The following SCUBE1 variants were observed in gnomAD, a reference collection of about 807,000 sequenced individuals.
SCUBE1 encodes signal peptide, CUB domain and EGF like domain containing 1, also known as signal peptide, CUB and EGF-like domain-containing protein 1.
SCUBE1 carries 59 observed loss-of-function variants against 124.4 expected under a neutral mutation model. The ratio of observed to expected loss-of-function variants is 0.47; its 90% confidence interval spans 0.38 to 0.59. The LOEUF (loss-of-function observed/expected upper bound fraction) is 0.59, where lower values mean the gene tolerates loss of function less well. SCUBE1 is among the 20% of genes least tolerant of loss of function. SCUBE1 has a pLI of 0.00. For missense variants in SCUBE1, 1,150 were observed against 1,371.2 expected, an observed-to-expected ratio of 0.84 and a Z score of 2.55; for synonymous variants, 545 against 550.9, an observed-to-expected ratio of 0.99 and a Z score of 0.15.
intron 21 of SCUBE1, among the ~76,000 whole-genome samples, chr22:43,205,336 G>A (rs749803132): frequency 1.3e-5 from 2 of 152,034 alleles, no homozygotes; most frequent in South Asian, 2.1e-4. Context: ...CCAGTGTCTC[G>A]TCTCTCTAGT....
chr22:43,268,051 G>T (rs987450601), intron 4 of SCUBE1, among the ~76,000 whole-genome samples: 1 of 152,186 alleles, frequency 6.6e-6, no homozygotes, highest in Non-Finnish European at 1.5e-5. Flanking sequence ...GACCCCCCGG[G>T]CCTCCTCCAG....
In SCUBE1 at chr22:43,290,821, A is replaced by G. The variant is rs62232126; in HGVS notation, c.484+225T>C. On this transcript the variant is annotated intron_variant, in intron 4 of 21. Transcript: ENST00000360835. Reference sequence around the variant, plus strand: ...ACATGTGCTACTTGCGGCCCCACATATAAACACGAGAAACACCCGCAGCCC... The same window carrying G: ...ACATGTGCTACTTGCGGCCCCACATGTAAACACGAGAAACACCCGCAGCCC... Among the ~76,000 whole-genome samples the G allele has an allele frequency of 7.3e-3, 1,105 of 152,366 alleles. 7 individuals are homozygous for G. The highest frequency in any genetic ancestry group is 9.3e-3 in the Non-Finnish European group (635 of 68,028).
chr22:43,286,163 T>G (rs1925132693), intron 4 of SCUBE1, among the ~76,000 whole-genome samples: 1 of 152,252 alleles, frequency 6.6e-6, no homozygotes, highest in Non-Finnish European at 1.5e-5. Flanking sequence ...GAGCCCGTGT[T>G]TATTGAAACT....
intron 4 of SCUBE1, among the ~76,000 whole-genome samples, chr22:43,281,558 C>CCTCTTTGGCCACCCTCCTGTCACCT (rs1569011128): frequency 2.3e-5 from 3 of 127,854 alleles, no homozygotes; most frequent in African/African-American, 9.0e-5. Flanking sequence ...CTGTCACCTC[C>CCTCTTTGGCCACCCTCCTGTCACCT]CCCTCAGCCA....
rs151115521 is a variant in SCUBE1 at position 43,267,481 on chromosome 22, G to A, written c.485-4636C>T. ...GCGTGTGCTAGAAACACAGCGCTTC[G>A]GATGCCTGATGTGGGAAATTCGCAG... On this transcript the variant is annotated intron_variant, in intron 4 of 21. Coordinates refer to ENST00000360835, the MANE Select transcript of SCUBE1 (RefSeq NM_173050.5). Among the ~76,000 whole-genome samples, 916 of 152,314 alleles carry A rather than the reference G, an allele frequency of 6.0e-3. 12 individuals carry two copies. The highest frequency in any genetic ancestry group is 0.021 in the African/African-American group (887 of 41,556).
intron 9 of SCUBE1, 84 bp from the exon 10 acceptor site, chr22:43,227,580 C>A: frequency 1.3e-6 from 2 of 1,541,864 alleles, no homozygotes; most frequent in Admixed American, 3.5e-5. Flanking sequence ...GGCAAGAGGG[C>A]AAGAATCTCC....
At chr22:43,254,680 G>A (rs1923589589) in intron 6 of SCUBE1, among the ~76,000 whole-genome samples, 1 of 152,210 alleles carries the variant, frequency 6.6e-6, no homozygotes. Context: ...AGCTATCTGA[G>A]AGCCATGAAG....
chr22:43,247,903 G>A (rs750368632), intron 6 of SCUBE1, among the ~76,000 whole-genome samples: 8 of 152,328 alleles, frequency 5.3e-5, no homozygotes, highest in East Asian at 1.9e-4. Context: ...CTGCAGGGCC[G>A]GGGGGTCAGG....
intron 6 of SCUBE1, among the ~76,000 whole-genome samples, chr22:43,249,133 C>A (rs895061482): frequency 5.3e-5 from 8 of 152,024 alleles, no homozygotes; most frequent in South Asian, 2.1e-4. Context: ...GAGGATGTGA[C>A]CCCTGGAGGC....
chr22:43,334,453 T>C (rs112461626), intron 2 of SCUBE1, among the ~76,000 whole-genome samples: 3 of 152,176 alleles, frequency 2.0e-5, no homozygotes, highest in African/African-American at 7.2e-5. Flanking sequence ...GACAAAGCTT[T>C]AGTTCTTTCA....
chr22:43,300,561 AG>A (rs2146762553), intron 3 of SCUBE1, among the ~76,000 whole-genome samples: 1 of 152,234 alleles, frequency 6.6e-6, no homozygotes, highest in African/African-American at 2.4e-5. Flanking sequence ...ATGTCTATTC[AG>A]GTCCTTTGCC....
chr22:43,315,084 T>C (rs1021565642), intron 3 of SCUBE1, among the ~76,000 whole-genome samples: 2 of 152,058 alleles, frequency 1.3e-5, no homozygotes, highest in Non-Finnish European at 2.9e-5. Context: ...GAACAAATGA[T>C]ACCACCATGG....
chr22:43,325,864 G>C (rs575753076), intron 2 of SCUBE1, among the ~76,000 whole-genome samples: 1 of 151,848 alleles, frequency 6.6e-6, no homozygotes, highest in African/African-American at 2.4e-5. Context: ...GGCAGCGTGC[G>C]CACACACAAC....
At chr22:43,207,983 C>G in intron 20 of SCUBE1, 89 bp downstream of exon 20, 4 of 1,464,558 alleles carry the variant, frequency 2.7e-6, no homozygotes, top group Non-Finnish European at 3.8e-6. Context: ...GTCGCAGCTC[C>G]CTGAGGGCGG....
chr22:43,310,100 A>G (rs995058327), intron 3 of SCUBE1, among the ~76,000 whole-genome samples: 8 of 152,108 alleles, frequency 5.3e-5, no homozygotes, highest in Admixed American at 1.3e-4. Context: ...TCGAGACGAT[A>G]TGACCCTGCC....
intron 10 of SCUBE1, 53 bp downstream of exon 10, chr22:43,227,321 C>G: frequency 6.4e-7 from 1 of 1,572,130 alleles, no homozygotes; most frequent in South Asian, 1.1e-5. Flanking sequence ...ACTGTCCCTC[C>G]CATCCAAGCC....
At chr22:43,216,152 C>CCTAT (rs1921801050) in intron 15 of SCUBE1, among the ~76,000 whole-genome samples, 2 of 151,960 alleles carry the variant, frequency 1.3e-5, no homozygotes, top group East Asian at 4.0e-4. Context: ...GTTCAAGTGA[C>CCTAT]TCTCCTGTCT....
At chr22:43,335,546 T>G (rs553781194) in intron 2 of SCUBE1, among the ~76,000 whole-genome samples, 57 of 152,318 alleles carry the variant, frequency 3.7e-4, no homozygotes, top group South Asian at 1.0e-3. Context: ...TCATGACCCA[T>G]GCTACCCTAA....
intron 15 of SCUBE1, among the ~76,000 whole-genome samples, chr22:43,217,328 G>GCCCCCTCTTCATCAAGTTTCCCTCCCCC (rs1569497670): frequency 6.8e-6 from 1 of 147,320 alleles, no homozygotes; most frequent in Non-Finnish European, 1.5e-5. Flanking sequence ...CCCCATCCCC[G>GCCCCCTCTTCATCAAGTTTCCCTCCCCC]CAGCCCACTC....
Sources: gnomAD v4.1 joint callset for allele counts (sites outside exome capture counted in the v4.1 genomes callset) on GRCh38, gnomAD v4.1.1 for gene constraint, MANE v1.5 for transcripts, NCBI Gene and HGNC (gene_info 2026-07-23, HGNC 2026-07-21) for gene names.